PPME1: variants seen among roughly 807,000 people sequenced by gnomAD.
PPME1 encodes protein phosphatase methylesterase 1.
PPME1 carries 17 observed loss-of-function variants against 56.9 expected under a neutral mutation model. That is an observed-to-expected ratio of 0.30 (90% CI 0.20 to 0.45). The LOEUF (loss-of-function observed/expected upper bound fraction) is 0.45, where lower values mean the gene tolerates loss of function less well. Among genes scored for constraint, PPME1 ranks in the 20% least tolerant of loss-of-function variants. PPME1 has a pLI of 1.00. For missense variants in PPME1, 357 were observed against 483.2 expected (o/e 0.74, Z 2.45); for synonymous variants, 122 against 156.2 (o/e 0.78, Z 1.63).
chr11:74,239,030 T>G, intron 8 of PPME1, 103 bp from the exon 9 acceptor site: 3 of 1,170,976 alleles, frequency 2.6e-6, no homozygotes, highest in Non-Finnish European at 3.6e-6. Context: ...ATTGTTAAGT[T>G]TTAGCTAACA....
At chr11:74,208,399 C>T (rs563769846) in intron 3 of PPME1, among the ~76,000 whole-genome samples, 31 of 152,052 alleles carry the variant, frequency 2.0e-4, no homozygotes, top group Middle Eastern at 3.5e-3. Flanking sequence ...TACCAGGCAT[C>T]GTACAGGTGC....
chr11:74,190,537 C>G (rs1231883644), intron 1 of PPME1, among the ~76,000 whole-genome samples: 1 of 152,186 alleles, frequency 6.6e-6, no homozygotes, highest in Non-Finnish European at 1.5e-5. Context: ...GAACTCCAAG[C>G]CAAAATAAAC....
chr11:74,199,367 C>T (rs578220173), intron 1 of PPME1, among the ~76,000 whole-genome samples: 27 of 152,308 alleles, frequency 1.8e-4, no homozygotes, highest in South Asian at 1.7e-3. Flanking sequence ...TGCATTGTCT[C>T]TCTAGTTTTA....
chr11:74,207,178 A>C (rs1858350317), intron 3 of PPME1, among the ~76,000 whole-genome samples: 1 of 152,190 alleles, frequency 6.6e-6, no homozygotes, highest in South Asian at 2.1e-4. Flanking sequence ...TTACAAAGCA[A>C]CCCAGGTCCT....
intron 1 of PPME1, among the ~76,000 whole-genome samples, chr11:74,193,247 A>G (rs1459914183): frequency 2.0e-5 from 3 of 152,256 alleles, no homozygotes; most frequent in Non-Finnish European, 4.4e-5. Context: ...GGTGATGCCA[A>G]ACAACCATAG....
intron 2 of PPME1, 73 bp downstream of exon 2, chr11:74,203,894 C>G (rs1858248870): frequency 9.1e-7 from 1 of 1,098,124 alleles, no homozygotes; most frequent in Non-Finnish European, 1.3e-6. Flanking sequence ...TGTGTAGTTT[C>G]TAAAATGTTC....
intron 1 of PPME1, among the ~76,000 whole-genome samples, chr11:74,193,111 C>A (rs1054337325): frequency 6.6e-6 from 1 of 152,142 alleles, no homozygotes; most frequent in Admixed American, 6.5e-5. Context: ...TGGTTGGTTA[C>A]CCTGAGTACA....
chr11:74,242,878 CAAAAAAAAAAA>C (rs5792649), intron 9 of PPME1, among the ~76,000 whole-genome samples: 2 of 61,372 alleles, frequency 3.3e-5, no homozygotes, highest in Admixed American at 2.0e-4. Context: ...GACTCTGTCT[CAAAAAAAAAAA>C]AAAAAAAAAA....
intron 3 of PPME1, among the ~76,000 whole-genome samples, chr11:74,213,794 G>T (rs1858545139): frequency 6.6e-6 from 1 of 152,232 alleles, no homozygotes; most frequent in African/African-American, 2.4e-5. Context: ...TGCAGCTATG[G>T]CTGCAGTGAC....
chr11:74,202,214 CTTTATA>C (rs1858188260), intron 1 of PPME1, among the ~76,000 whole-genome samples: 1 of 152,180 alleles, frequency 6.6e-6, no homozygotes, highest in Non-Finnish European at 1.5e-5. Context: ...TGTACTCTAT[CTTTATA>C]TTTATAGTGC....
intron 1 of PPME1, among the ~76,000 whole-genome samples, chr11:74,197,549 A>G (rs903928855): frequency 2.6e-5 from 4 of 152,234 alleles, no homozygotes; most frequent in Non-Finnish European, 4.4e-5. Flanking sequence ...AATTGGTACT[A>G]TAATCCCCTA....
At chr11:74,226,287 C>A (rs1367670391) in intron 5 of PPME1, among the ~76,000 whole-genome samples, 1 of 152,114 alleles carries the variant, frequency 6.6e-6, no homozygotes, top group Non-Finnish European at 1.5e-5. Context: ...TACCCTTTTA[C>A]AGATGAGGAA....
At chr11:74,206,355 GT>G (rs1039447020) in intron 3 of PPME1, among the ~76,000 whole-genome samples, 7 of 151,932 alleles carry the variant, frequency 4.6e-5, no homozygotes, top group African/African-American at 7.3e-5. Flanking sequence ...TTTAAAGACT[GT>G]TTTTTTCTTT....
At chr11:74,192,764 C>G (rs542195055) in intron 1 of PPME1, among the ~76,000 whole-genome samples, 1 of 152,164 alleles carries the variant, frequency 6.6e-6, no homozygotes, top group African/African-American at 2.4e-5. Context: ...TGCTTCTGCT[C>G]TCACCTTGTG....
intron 3 of PPME1, among the ~76,000 whole-genome samples, chr11:74,207,775 A>G (rs557342603): frequency 1.3e-5 from 2 of 152,334 alleles, no homozygotes; most frequent in Non-Finnish European, 2.9e-5. Context: ...TGAGAGGAAC[A>G]GTGGGATCTC....
At chr11:74,247,494 T>TG (rs1555082071) in intron 11 of PPME1, 61 of 121,234 alleles carry the variant, frequency 5.0e-4, no homozygotes, top group Non-Finnish European at 8.7e-4. Context: ...TTTTTTTTTT[T>TG]TTTTTTTTTT....
At chr11:74,192,715 C>G (rs1857873839) in intron 1 of PPME1, among the ~76,000 whole-genome samples, 1 of 152,092 alleles carries the variant, frequency 6.6e-6, no homozygotes. Context: ...CTCTCCAGAT[C>G]TGGTTGTTTA....
intron 3 of PPME1, chr11:74,206,026 A>G (rs955503503): frequency 6.6e-6 from 1 of 152,168 alleles, no homozygotes; most frequent in Non-Finnish European, 1.5e-5. Flanking sequence ...TTATTGAGAT[A>G]TTTACATCTA....
At position 74,253,674 on chromosome 11, in the gene PPME1, C is replaced by A; in HGVS notation, c.*164C>A. On this transcript the variant is annotated 3_prime_UTR_variant, in exon 14 of 14. Transcript: ENST00000328257. ...GTACCAACCTTTTCATGTATTCTGC[C>A]AAAAGCATTGTTTTCCAGGGCCCTT... is the stretch of plus-strand genomic sequence containing the variant. The A allele has an allele frequency of 4.0e-6, 3 of 758,704 alleles. No homozygotes were observed. The highest frequency in any genetic ancestry group is 6.6e-6 in the Non-Finnish European group (3 of 451,368). The allele number at this position is 758,704 out of a possible 1,614,324, so 47.0% of individuals were successfully genotyped here.
Sources: gnomAD v4.1 joint callset for allele counts (sites outside exome capture counted in the v4.1 genomes callset) on GRCh38, gnomAD v4.1.1 for gene constraint, MANE v1.5 for transcripts, NCBI Gene and HGNC (gene_info 2026-07-23, HGNC 2026-07-21) for gene names.